SF3A3: variants seen among roughly 807,000 people sequenced by gnomAD.
The protein encoded by SF3A3 is splicing factor 3a subunit 3.
Under a neutral mutation model 85.8 loss-of-function variants are expected in SF3A3, and 9 were observed. The ratio of observed to expected loss-of-function variants is 0.10; its 90% CI spans 0.06 to 0.18. SF3A3 has a LOEUF of 0.18. SF3A3 is among the 10% of genes least tolerant of loss of function. SF3A3 has a pLI of 1.00. For synonymous variants in SF3A3, 195 were observed against 204.4 expected (o/e 0.95, Z 0.39); for missense variants, 306 against 593.3 (o/e 0.52, Z 5.03).
At chr1:37,989,301 G>A (rs1646477734) in intron 2 of SF3A3, among the ~76,000 whole-genome samples, 2 of 147,086 alleles carry the variant, frequency 1.4e-5, no homozygotes, top group East Asian at 2.0e-4. Context: ...TCCAAAAGAA[G>A]AAGAAGAAGA....
chr1:37,963,928 T>A (rs1646280286), intron 15 of SF3A3, among the ~76,000 whole-genome samples: 3 of 135,608 alleles, frequency 2.2e-5, no homozygotes, highest in Non-Finnish European at 3.1e-5. Flanking sequence ...ATGCCTGTAA[T>A]CCCAGCACTT....
Position 37,960,123 on chromosome 1 carries a change from A to T in SF3A3, c.1425T>A (p.Thr475=). The T allele has an allele frequency of 6.2e-7, 1 of 1,613,776 alleles. No individual in the cohort carries two copies. The highest frequency in any genetic ancestry group is 1.7e-5 in the Admixed American group (1 of 59,990). Residue 475 remains threonine, a synonymous_variant, in exon 16 of 17, where the codon ACT becomes ACA. Transcript: ENST00000373019. The part of the protein sequence containing the change: ...QKASERWQPD[T]EEEYEDSSGN... ...CACCATCCACATTAGTACCCACCTC[A>T]GTGTCAGGCTGCCATCGTTCTGAAG...
At chr1:37,974,571 G>A (rs1646367200) in intron 12 of SF3A3, among the ~76,000 whole-genome samples, 1 of 151,980 alleles carries the variant, frequency 6.6e-6, no homozygotes, top group Non-Finnish European at 1.5e-5. Flanking sequence ...CAAAGGGCTG[G>A]GATTACGGGC....
At chr1:37,981,551 C>T (rs554702863) in intron 7 of SF3A3, among the ~76,000 whole-genome samples, 178 bp downstream of exon 7, 8 of 152,306 alleles carry the variant, frequency 5.3e-5, no homozygotes, top group African/African-American at 1.2e-4. Context: ...CCTTTGTCCA[C>T]GTCCAGACTA....
intron 14 of SF3A3, 113 bp from the exon 15 acceptor site, chr1:37,968,247 A>C: frequency 1.4e-6 from 1 of 703,776 alleles, no homozygotes; most frequent in Non-Finnish European, 2.6e-6. Flanking sequence ...ACTCCACCTA[A>C]AGGTAGCATT....
chr1:37,986,835 CAG>C (rs1183135631), intron 4 of SF3A3, among the ~76,000 whole-genome samples: 3 of 81,196 alleles, frequency 3.7e-5, no homozygotes, highest in Non-Finnish European at 7.9e-5. Flanking sequence ...AAAAAAAAGA[CAG>C]AGTTAGGAAC....
chr1:37,974,766 T>C (rs1232450844), intron 12 of SF3A3, among the ~76,000 whole-genome samples: 1 of 152,226 alleles, frequency 6.6e-6, no homozygotes, highest in African/African-American at 2.4e-5. Flanking sequence ...AAAGTCCAAA[T>C]TTCCAACATA....
At position 37,981,711 on chromosome 1, in the gene SF3A3, G is replaced by A; in HGVS notation, c.551+18C>T. 1 of 1,428,520 alleles carries A rather than the reference G, an allele frequency of 7.0e-7. No individual in the cohort carries two copies. Among genetic ancestry groups the A allele is most frequent in the Non-Finnish European group, 9.8e-7 (1 of 1,019,504 alleles). 88.5% of individuals were successfully genotyped at this position (1,428,520 alleles called of 1,614,324 possible). On this transcript the variant is annotated intron_variant, in intron 7 of 16. Coordinates refer to ENST00000373019, the MANE Select transcript of SF3A3 (RefSeq NM_006802.4). ...TCTAATCAAATCCAGGAGAGGCCTA[G>A]AAACTATTAATGCCTACCTCTTATA...
At chr1:37,964,368 G>A (rs1646284074) in intron 15 of SF3A3, among the ~76,000 whole-genome samples, 1 of 152,174 alleles carries the variant, frequency 6.6e-6, no homozygotes, top group South Asian at 2.1e-4. Context: ...ACTTTGGGAA[G>A]CCAAGGCAGG....
At chr1:37,984,389 C>A (rs903592559) in intron 5 of SF3A3, 129 bp from the exon 6 acceptor site, 83 of 637,924 alleles carry the variant, frequency 1.3e-4, no homozygotes, top group Middle Eastern at 9.9e-4. Flanking sequence ...CCTTTGCTCA[C>A]AATATAACCT....
chr1:37,962,709 T>TA (rs943664102), intron 15 of SF3A3, among the ~76,000 whole-genome samples: 26 of 149,430 alleles, frequency 1.7e-4, no homozygotes, highest in Admixed American at 4.0e-4. Context: ...TTTGTACAGT[T>TA]AAAAAAAAAT....
chr1:37,961,764 A>AAC (rs1388091782), intron 15 of SF3A3, among the ~76,000 whole-genome samples: 1 of 136,420 alleles, frequency 7.3e-6, no homozygotes, highest in African/African-American at 3.0e-5. Flanking sequence ...ACTGCCAAAA[A>AAC]AAAAAAAAAA....
At chr1:37,962,774 C>G (rs1646270787) in intron 15 of SF3A3, among the ~76,000 whole-genome samples, 1 of 86,122 alleles carries the variant, frequency 1.2e-5, no homozygotes, top group Admixed American at 1.3e-4. Flanking sequence ...GTAAAACCCT[C>G]TAAGTTAAAA....
chr1:37,965,982 C>T lies in SF3A3; in HGVS notation c.1372+2062G>A, dbSNP rs1331817151. 3.3e-5 allele frequency among the ~76,000 whole-genome samples: 5 copies of T among 152,044 alleles called. No individual in the cohort carries two copies. The East Asian group carries it at 9.7e-4, about 29-fold the overall frequency. On this transcript the variant is annotated intron_variant, in intron 15 of 16. Transcript: ENST00000373019. ...TTGGGAAGCCAAGGCAGGTAGGTCA[C>T]CTGAGATCAGGAGTTTGAGACCAGC...
chr1:37,971,228 C>G (rs954710701), intron 12 of SF3A3, among the ~76,000 whole-genome samples: 2 of 139,090 alleles, frequency 1.4e-5, no homozygotes, highest in Non-Finnish European at 1.6e-5. Context: ...CTATAAACAC[C>G]TCTACACAAA....
intron 4 of SF3A3, 84 bp from the exon 5 acceptor site, chr1:37,984,863 A>G: frequency 8.8e-7 from 1 of 1,141,254 alleles, no homozygotes; most frequent in Non-Finnish European, 1.3e-6. Flanking sequence ...GCTGGAGTGC[A>G]CTGGCACAAT....
Position 37,978,914 on chromosome 1 carries a change from G to A in SF3A3, c.827+74C>T, listed in dbSNP as rs562237347. 3.2e-6 allele frequency: 5 copies of A among 1,546,324 alleles called. No homozygotes were observed. In the East Asian group the frequency reaches 1.1e-4, roughly 35 times the overall value. ...TGCAGTGTGGAGCAACAAAAAAAAT[G>A]GAATCAGAGCTACTTAGAAGACTGT... On this transcript the variant is annotated intron_variant, in intron 10 of 16. Coordinates refer to ENST00000373019, the MANE Select transcript of SF3A3 (RefSeq NM_006802.4).
intron 12 of SF3A3, among the ~76,000 whole-genome samples, chr1:37,971,112 A>G (rs1557750238): frequency 2.0e-5 from 3 of 152,278 alleles, no homozygotes; most frequent in Non-Finnish European, 2.9e-5. Flanking sequence ...TAAGACCGCT[A>G]GCAAGACTAA....
At chr1:37,973,727 C>G (rs1258669021) in intron 12 of SF3A3, among the ~76,000 whole-genome samples, 1 of 152,188 alleles carries the variant, frequency 6.6e-6, no homozygotes, top group Non-Finnish European at 1.5e-5. Context: ...CATCCCATTA[C>G]TGGGCATATA....
Sources: allele counts gnomAD v4.1 joint callset (sites outside exome capture counted in the v4.1 genomes callset), GRCh38; gene constraint gnomAD v4.1.1; transcripts MANE v1.5; gene names NCBI Gene and HGNC (gene_info 2026-07-23, HGNC 2026-07-21).